The following CNOT4 variants were observed in gnomAD, a reference collection of about 807,000 sequenced individuals.
The protein encoded by CNOT4 is CCR4-NOT transcription complex subunit 4.
In CNOT4, 8 loss-of-function variants were observed where a neutral mutation model predicts 73.8. The ratio of observed to expected loss-of-function variants is 0.11; its 90% CI spans 0.06 to 0.20. The LOEUF (loss-of-function observed/expected upper bound fraction) is 0.20. Ranked by LOEUF, CNOT4 falls within the 10% of genes least tolerant of loss-of-function variation. The pLI is 1.00. For missense variants in CNOT4, 564 were observed against 883.4 expected, an observed-to-expected ratio of 0.64 and a Z score of 4.58; for synonymous variants, 293 against 321.1, an observed-to-expected ratio of 0.91 and a Z score of 0.94.
intron 1 of CNOT4, among the ~76,000 whole-genome samples, chr7:135,506,206 C>T (rs1056738787): frequency 6.6e-6 from 1 of 152,242 alleles, no homozygotes; most frequent in African/African-American, 2.4e-5. Context: ...CAAGTTTTAT[C>T]CAATACATGC....
Position 135,421,715 on chromosome 7 carries a change from C to A in CNOT4, c.372+441G>T, listed in dbSNP as rs576944761. On this transcript the variant is annotated intron_variant, in intron 3 of 11. Transcript: ENST00000541284. ...CAGTATAGTAATAGTTCTGAAAAAT[C>A]AAGAATTACTACTTGGGCAGAATTT... Among the ~76,000 whole-genome samples the A allele has an allele frequency of 3.0e-4, 45 of 152,224 alleles. 1 individual carries two copies. The highest frequency in any genetic ancestry group is 1.0e-3 in the African/African-American group (43 of 41,552).
At chr7:135,460,551 T>G (rs1800813878) in intron 1 of CNOT4, among the ~76,000 whole-genome samples, 1 of 152,066 alleles carries the variant, frequency 6.6e-6, no homozygotes, top group Non-Finnish European at 1.5e-5. Context: ...AGTTCATCAT[T>G]TTACGTAGGT....
At chr7:135,460,070 ATGGAAGAGAGAGCCTTGCTC>A (rs1160919501) in intron 1 of CNOT4, among the ~76,000 whole-genome samples, 1 of 152,220 alleles carries the variant, frequency 6.6e-6, no homozygotes, top group Non-Finnish European at 1.5e-5. Context: ...CTTTCATACA[ATGGAAGAGAGAGCCTTGCTC>A]TGGATGTGAG....
Position 135,409,253 on chromosome 7 carries a change from C to T in CNOT4, c.821+1262G>A, listed in dbSNP as rs80070838. ...TATGGTTTGCCATAAAATAACCATA[C>T]AGGGCTAGAAAAGGGTGGGTACAAA... is the stretch of plus-strand genomic sequence containing the variant. On this transcript the variant is annotated intron_variant, in intron 7 of 11. Coordinates refer to ENST00000541284, the MANE Select transcript of CNOT4 (RefSeq NM_001190850.2). Among the ~76,000 whole-genome samples the T allele has an allele frequency of 2.2e-3, 338 of 152,152 alleles. 12 individuals are homozygous for T. In the East Asian group the frequency reaches 0.054, roughly 24 times the overall value.
intron 1 of CNOT4, among the ~76,000 whole-genome samples, chr7:135,447,356 T>C (rs1265351518): frequency 6.6e-6 from 1 of 152,222 alleles, no homozygotes; most frequent in Non-Finnish European, 1.5e-5. Flanking sequence ...ATATCTACCA[T>C]GAATATTCAT....
intron 1 of CNOT4, among the ~76,000 whole-genome samples, chr7:135,483,127 G>C (rs1242565655): frequency 2.0e-5 from 3 of 151,150 alleles, no homozygotes; most frequent in Non-Finnish European, 4.4e-5. Flanking sequence ...TTGAGCCCTG[G>C]CATTTGAGAC....
In CNOT4 at chr7:135,362,702, T is replaced by C. The variant is rs770612899; in HGVS notation, c.*183A>G. Reference sequence around the variant, plus strand: ...GCTGGATCAACAAAAATTTTTACAATTAATAAAGAGATGGTAATGACCCTG... The same window carrying C: ...GCTGGATCAACAAAAATTTTTACAACTAATAAAGAGATGGTAATGACCCTG... On this transcript the variant is annotated 3_prime_UTR_variant, in exon 12 of 12. Transcript: ENST00000541284. The C allele has an allele frequency of 2.7e-6, 2 of 752,496 alleles. No homozygotes were observed. Among genetic ancestry groups the C allele is most frequent in the Non-Finnish European group, 4.8e-6 (2 of 413,722 alleles). 46.6% of individuals were successfully genotyped at this position (752,496 alleles called of 1,614,324 possible). A position where few individuals can be genotyped will look rare whatever the true frequency, so the allele number is the denominator to read the frequency against.
At chr7:135,386,066 C>A (rs553621004) in intron 10 of CNOT4, 2 of 151,656 alleles carry the variant, frequency 1.3e-5, no homozygotes, top group African/African-American at 4.8e-5. Flanking sequence ...AATAAAGAGG[C>A]ACTTATAATT....
intron 1 of CNOT4, among the ~76,000 whole-genome samples, chr7:135,502,038 C>T (rs1008512327): frequency 2.0e-5 from 3 of 152,186 alleles, no homozygotes; most frequent in Admixed American, 1.3e-4. Context: ...TGTTCTCTCA[C>T]CCTCTCTTGC....
chr7:135,382,682 A>T (rs1442190171), intron 10 of CNOT4, among the ~76,000 whole-genome samples: 2 of 152,168 alleles, frequency 1.3e-5, no homozygotes, highest in Admixed American at 6.5e-5. Context: ...AAAATTGTGT[A>T]ATTTATTAAG....
chr7:135,398,629 C>CT (rs1796833107), intron 7 of CNOT4, among the ~76,000 whole-genome samples: 1 of 151,962 alleles, frequency 6.6e-6, no homozygotes, highest in African/African-American at 2.4e-5. Flanking sequence ...ACTAGGGATA[C>CT]TCAACCTGTA....
At chr7:135,490,652 A>G (rs1803048831) in intron 1 of CNOT4, among the ~76,000 whole-genome samples, 1 of 152,166 alleles carries the variant, frequency 6.6e-6, no homozygotes, top group Non-Finnish European at 1.5e-5. Context: ...ACCCACACTA[A>G]CAAGCATACT....
intron 1 of CNOT4, among the ~76,000 whole-genome samples, chr7:135,463,364 C>T (rs979256103): frequency 6.6e-6 from 1 of 152,040 alleles, no homozygotes; most frequent in African/African-American, 2.4e-5. Flanking sequence ...ATGCTGAAAC[C>T]CTGTCTCTAT....
At chr7:135,468,193 G>A (rs1469772262) in intron 1 of CNOT4, among the ~76,000 whole-genome samples, 1 of 151,734 alleles carries the variant, frequency 6.6e-6, no homozygotes, top group Non-Finnish European at 1.5e-5. Context: ...TCCAGCCTGG[G>A]CGACAGAGCG....
At chr7:135,501,310 TGGA>T (rs1214751916) in intron 1 of CNOT4, among the ~76,000 whole-genome samples, 1 of 152,120 alleles carries the variant, frequency 6.6e-6, no homozygotes, top group Non-Finnish European at 1.5e-5. Context: ...AGGCTGTTAT[TGGA>T]GTAATCATCT....
intron 9 of CNOT4, among the ~76,000 whole-genome samples, chr7:135,394,623 A>G (rs1796581487): frequency 6.6e-6 from 1 of 152,184 alleles, no homozygotes; most frequent in Admixed American, 6.5e-5. Context: ...TACTAGCTTC[A>G]AAAACTGAAT....
intron 10 of CNOT4, among the ~76,000 whole-genome samples, chr7:135,370,853 G>A (rs1404567211): frequency 2.0e-5 from 3 of 152,168 alleles, no homozygotes; most frequent in Admixed American, 6.5e-5. Flanking sequence ...CATGTAAACT[G>A]AAGGAAATGA....
At chr7:135,472,404 G>A (rs1801641926) in intron 1 of CNOT4, among the ~76,000 whole-genome samples, 1 of 139,596 alleles carries the variant, frequency 7.2e-6, no homozygotes, top group Admixed American at 7.4e-5. Context: ...GTGAACCTGG[G>A]ACGCGGAGCT....
At chr7:135,436,382 A>G (rs187018530) in intron 2 of CNOT4, among the ~76,000 whole-genome samples, 33 of 152,066 alleles carry the variant, frequency 2.2e-4, no homozygotes, top group African/African-American at 7.2e-4. Context: ...AAAGATAAAC[A>G]TCATGAAGCC....
Sources: gnomAD v4.1 joint callset for allele counts (sites outside exome capture counted in the v4.1 genomes callset) on GRCh38, gnomAD v4.1.1 for gene constraint, MANE v1.5 for transcripts, NCBI Gene and HGNC (gene_info 2026-07-23, HGNC 2026-07-21) for gene names.